MKLN1: variants seen among roughly 807,000 people sequenced by gnomAD.
MKLN1 encodes the protein muskelin 1, also known as muskelin.
In MKLN1, 18 loss-of-function variants were observed where a neutral mutation model predicts 99.0. The ratio of observed to expected loss-of-function variants is 0.18; its 90% confidence interval spans 0.13 to 0.27. The LOEUF is 0.27. MKLN1 is among the 10% of genes least tolerant of loss of function. The pLI is 1.00. For missense variants in MKLN1, 621 were observed against 875.9 expected (o/e 0.71, Z 3.67); for synonymous variants, 288 against 293.2 (o/e 0.98, Z 0.18).
intron 3 of MKLN1, among the ~76,000 whole-genome samples, chr7:131,245,121 A>T (rs1159759101): frequency 6.6e-6 from 1 of 152,200 alleles, no homozygotes; most frequent in Non-Finnish European, 1.5e-5. Context: ...ACGGTCAAAA[A>T]TATCAGAACC....
At chr7:131,184,559 T>C (rs961271784) in intron 2 of MKLN1, among the ~76,000 whole-genome samples, 1 of 151,980 alleles carries the variant, frequency 6.6e-6, no homozygotes, top group Non-Finnish European at 1.5e-5. Context: ...AGTTTCGTTC[T>C]TGTTGCCCAG....
chr7:131,452,974 A>G (rs1192148562), intron 12 of MKLN1, among the ~76,000 whole-genome samples: 1 of 152,162 alleles, frequency 6.6e-6, no homozygotes, highest in Non-Finnish European at 1.5e-5. Flanking sequence ...GGTAGCGCTT[A>G]TTTTCAACAT....
In MKLN1 at chr7:131,229,645, T is replaced by G. The variant is rs931371351; in HGVS notation, c.-179+26671T>G. On this transcript the variant is annotated intron_variant, in intron 3 of 7. Coordinates refer to the MKLN1 transcript ENST00000416992. ...ACCACAGCTCACTGCCTCCTCAACC[T>G]CCTGGGCTCAGGTGATCCTTCTGCT... Among the ~76,000 whole-genome samples the G allele has an allele frequency of 2.0e-5, 3 of 152,092 alleles. No homozygotes were observed. The South Asian group carries it at 6.2e-4, about 31-fold the overall frequency.
In MKLN1 at chr7:131,487,793, T is replaced by C; in HGVS notation, c.*65T>C. The C allele has an allele frequency of 1.3e-6, 2 of 1,564,240 alleles. No homozygotes were observed. The highest frequency in any genetic ancestry group is 1.7e-6 in the Non-Finnish European group (2 of 1,149,822). The stretch of plus-strand genomic sequence containing the variant: ...GATTTTCCGTCTTTTGGATTGCAGC[T>C]CCACTGACTGACAGTAAAGCTGCAG... On this transcript the variant is annotated 3_prime_UTR_variant, in exon 18 of 18. Coordinates refer to ENST00000352689, the MANE Select transcript of MKLN1 (RefSeq NM_013255.5). The surrounding 1 kb of genome is among the most constrained non-coding windows in gnomAD (Gnocchi z 4.7).
intron 3 of MKLN1, among the ~76,000 whole-genome samples, chr7:131,293,225 C>G (rs1294389772): frequency 6.6e-5 from 10 of 152,192 alleles, no homozygotes; most frequent in Admixed American, 6.5e-4. Flanking sequence ...CAGCTGAGAT[C>G]ATCCCAGACT....
chr7:131,186,376 C>A (rs1788879861), intron 2 of MKLN1, among the ~76,000 whole-genome samples: 1 of 152,164 alleles, frequency 6.6e-6, no homozygotes, highest in South Asian at 2.1e-4. Flanking sequence ...GGCATGGTAG[C>A]ACACGCCTGT....
intron 5 of MKLN1, among the ~76,000 whole-genome samples, chr7:131,397,584 T>C (rs550797617): frequency 1.3e-5 from 2 of 152,324 alleles, no homozygotes; most frequent in South Asian, 2.1e-4. Context: ...GGTGCACTTA[T>C]TATCCCCATT....
intron 3 of MKLN1, among the ~76,000 whole-genome samples, chr7:131,221,225 G>A (rs1024910819): frequency 6.6e-6 from 1 of 152,178 alleles, no homozygotes; most frequent in East Asian, 1.9e-4. Context: ...AAGGGCCTGC[G>A]GGGTTTGAAT....
At chr7:131,380,961 G>T (rs1405487106) in intron 2 of MKLN1, among the ~76,000 whole-genome samples, 1 of 152,122 alleles carries the variant, frequency 6.6e-6, no homozygotes, top group Non-Finnish European at 1.5e-5. Flanking sequence ...AAAATACAGG[G>T]TTAGGTTCCT....
At position 131,436,977 on chromosome 7, in the gene MKLN1, C is replaced by T. The variant is rs558901263; in HGVS notation, c.961-808C>T. On this transcript the variant is annotated intron_variant, in intron 9 of 17. Coordinates refer to ENST00000352689, the MANE Select transcript of MKLN1 (RefSeq NM_013255.5). ...CTTGGATTCTTATTAGTTTCTGTCA[C>T]TAGCTTATTAAAGGTATCATCCTGG... Among the ~76,000 whole-genome samples the T allele has an allele frequency of 2.0e-5, 3 of 152,292 alleles. No homozygotes were observed. In the East Asian group the frequency reaches 5.8e-4, roughly 29 times the overall value.
intron 1 of MKLN1, among the ~76,000 whole-genome samples, chr7:131,336,741 CT>C (rs1393303810): frequency 1.3e-5 from 2 of 152,102 alleles, no homozygotes; most frequent in Non-Finnish European, 2.9e-5. Flanking sequence ...CACTCTCCTG[CT>C]TTTATGTTGT....
At chr7:131,246,625 C>T (rs1797493544) in intron 3 of MKLN1, among the ~76,000 whole-genome samples, 2 of 150,956 alleles carry the variant, frequency 1.3e-5, no homozygotes, top group South Asian at 4.2e-4. Context: ...CCCCTTCCTC[C>T]AATAAAGTGA....
At chr7:131,173,150 CA>C (rs1796241559) in intron 2 of MKLN1, among the ~76,000 whole-genome samples, 2 of 151,772 alleles carry the variant, frequency 1.3e-5, no homozygotes, top group African/African-American at 4.8e-5. Context: ...AACACACACA[CA>C]CACACACACA....
chr7:131,370,074 G>A lies in MKLN1; in HGVS notation c.99-5350G>A, dbSNP rs181084616. Among the ~76,000 whole-genome samples the A allele has an allele frequency of 2.6e-5, 4 of 152,332 alleles. No individual in the cohort carries two copies. In the East Asian group the frequency reaches 7.7e-4, roughly 29 times the overall value. ...GCTGGTCTCAAACTCCTGACCTCAGGTGATCCGCCGGCTTCGGCCTTCCAA... is the reference window on the plus strand; with the variant it reads ...GCTGGTCTCAAACTCCTGACCTCAGATGATCCGCCGGCTTCGGCCTTCCAA... On this transcript the variant is annotated intron_variant, in intron 1 of 17. Transcript: ENST00000352689.
chr7:131,263,025 G>T (rs769902127), intron 3 of MKLN1, among the ~76,000 whole-genome samples: 1 of 151,856 alleles, frequency 6.6e-6, no homozygotes, highest in African/African-American at 2.4e-5. Flanking sequence ...TGTTCTCTGC[G>T]TTTCTTATAA....
At chr7:131,257,679 T>A (rs1015899405) in intron 3 of MKLN1, among the ~76,000 whole-genome samples, 18 of 151,664 alleles carry the variant, frequency 1.2e-4, no homozygotes, top group Non-Finnish European at 5.9e-5. Context: ...AGAAATGTCC[T>A]CTTAACACTG....
At chr7:131,424,911 A>T (rs1432463539) in intron 8 of MKLN1, among the ~76,000 whole-genome samples, 4 of 152,138 alleles carry the variant, frequency 2.6e-5, no homozygotes, top group African/African-American at 7.2e-5. Flanking sequence ...GTGTGGAGTC[A>T]AGTTCAAAGT....
intron 2 of MKLN1, among the ~76,000 whole-genome samples, chr7:131,177,296 T>C (rs1273976431): frequency 6.6e-6 from 1 of 151,950 alleles, no homozygotes; most frequent in African/African-American, 2.4e-5. Context: ...TGAAACCCCG[T>C]CTCTACTGAA....
At chr7:131,376,124 A>G (rs59162909) in intron 2 of MKLN1, among the ~76,000 whole-genome samples, 458 of 1,420 alleles carry the variant, frequency 0.32, 12 homozygotes, top group Middle Eastern at 1. Flanking sequence ...ATATATATAT[A>G]TATATATATA....
Sources: allele counts gnomAD v4.1 joint callset (sites outside exome capture counted in the v4.1 genomes callset), GRCh38; gene constraint gnomAD v4.1.1; non-coding constraint Gnocchi (gnomAD v3.1); transcripts MANE v1.5; gene names NCBI Gene and HGNC (gene_info 2026-07-23, HGNC 2026-07-21).